Variants in MEGF11 observed in about 807,000 individuals in gnomAD.
MEGF11 encodes the protein multiple epidermal growth factor-like domains protein 11.
Under a neutral mutation model 146.6 loss-of-function variants are expected in MEGF11, and 126 were observed. The ratio of observed to expected loss-of-function variants is 0.86; its 90% CI spans 0.74 to 1.00. The LOEUF is 1.00. Among genes scored for constraint, MEGF11 ranks in the 50% least tolerant of loss-of-function variants. The pLI is 0.00. For missense variants in MEGF11, 1,509 were observed against 1,521.2 expected (o/e 0.99, Z 0.13); for synonymous variants, 532 against 583.4 (o/e 0.91, Z 1.27).
intron 1 of MEGF11, among the ~76,000 whole-genome samples, chr15:66,149,691 G>C (rs2089494609): frequency 6.6e-6 from 1 of 152,164 alleles, no homozygotes; most frequent in Non-Finnish European, 1.5e-5. Context: ...AAGGTTAATT[G>C]CAGGATTCAA....
chr15:65,998,924 T>C (rs2082278004), intron 5 of MEGF11, among the ~76,000 whole-genome samples: 1 of 152,224 alleles, frequency 6.6e-6, no homozygotes, highest in Admixed American at 6.5e-5. Flanking sequence ...TTTGGGACTT[T>C]GGAGGGAATC....
chr15:65,917,992 C>T lies in MEGF11; in HGVS notation c.2060G>A (p.Gly687Glu), dbSNP rs777981184. ...PIDGSCQCFPGWIGKDCSQAC... is the reference protein window; with the variant it reads ...PIDGSCQCFPEWIGKDCSQAC... ...CTGTGAGCAGTCCTTGCCAATCCAT[C>T]CAGGAAAGCACTGGCAGGAGCCATC... Residue 687 changes from glycine to glutamate, a missense_variant, in exon 16 of 26, where the codon GGA becomes GAA. Physicochemically the swap from Gly to Glu is moderately conservative, Grantham distance 98 (BLOSUM62 -2). Transcript: ENST00000395614. The T allele has an allele frequency of 6.2e-7, 1 of 1,614,052 alleles. No homozygotes were observed. The highest frequency in any genetic ancestry group is 8.5e-7 in the Non-Finnish European group (1 of 1,179,900).
intron 1 of MEGF11, among the ~76,000 whole-genome samples, chr15:66,228,428 A>G (rs1567291638): frequency 6.6e-6 from 1 of 152,050 alleles, no homozygotes; most frequent in Non-Finnish European, 1.5e-5. Flanking sequence ...CAGGCTATGG[A>G]GCCCCAGAGA....
intron 8 of MEGF11, among the ~76,000 whole-genome samples, 166 bp downstream of exon 8, chr15:65,970,387 G>C (rs2081262820): frequency 6.6e-6 from 1 of 152,230 alleles, no homozygotes; most frequent in Non-Finnish European, 1.5e-5. Context: ...CAGGCCGAGG[G>C]TGAGGAGGGA....
chr15:66,183,637 C>T (rs912333896), intron 1 of MEGF11, among the ~76,000 whole-genome samples: 13 of 152,054 alleles, frequency 8.5e-5, no homozygotes, highest in African/African-American at 2.7e-4. Flanking sequence ...GTAACTGACT[C>T]AACTCCCTCC....
At chr15:66,035,049 A>G (rs577585779) in intron 5 of MEGF11, among the ~76,000 whole-genome samples, 3 of 152,174 alleles carry the variant, frequency 2.0e-5, no homozygotes, top group Non-Finnish European at 4.4e-5. Flanking sequence ...GAGCTAAAAA[A>G]AAATCCTTTT....
chr15:65,985,195 G>T lies in MEGF11; in HGVS notation c.395-2707C>A, dbSNP rs544111706. ...TTTTCTTATTTTCCCATTTGACGGA[G>T]AATACACGGTCAGAGAAGTTAAGTG... On this transcript the variant is annotated intron_variant, in intron 5 of 25. Coordinates refer to ENST00000395614, the MANE Select transcript of MEGF11 (RefSeq NM_001385028.1). 1.2e-4 allele frequency among the ~76,000 whole-genome samples: 18 copies of T among 152,308 alleles called. No individual in the cohort carries two copies. The East Asian group carries it at 3.5e-3, about 29-fold the overall frequency.
At position 65,945,492 on chromosome 15, in the gene MEGF11, T is replaced by G. The variant is rs776479170; in HGVS notation, c.1287+12055A>C. The stretch of plus-strand genomic sequence containing the variant: ...GAGGGCCTGAGGAGGGGCTCAGCCC[T>G]GGGCTGGGGAGTGCTGAGATGCCCC... On this transcript the variant is annotated intron_variant, in intron 10 of 25. Coordinates refer to ENST00000395614, the MANE Select transcript of MEGF11 (RefSeq NM_001385028.1). 1.9e-4 allele frequency among the ~76,000 whole-genome samples: 29 copies of G among 152,068 alleles called. 1 individual carries two copies. Among genetic ancestry groups the G allele is most frequent in the Admixed American group, 1.3e-3 (20 of 15,280 alleles).
intron 5 of MEGF11, among the ~76,000 whole-genome samples, chr15:65,985,104 G>A (rs1314754484): frequency 1.3e-5 from 2 of 152,144 alleles, no homozygotes; most frequent in African/African-American, 4.8e-5. Context: ...TGTGTGCCAG[G>A]CACCATCCTA....
At chr15:65,918,968 C>T (rs2079088693) in intron 15 of MEGF11, among the ~76,000 whole-genome samples, 1 of 152,184 alleles carries the variant, frequency 6.6e-6, no homozygotes, top group Non-Finnish European at 1.5e-5. Flanking sequence ...GTGGATTCCC[C>T]ATCGCCACAA....
intron 5 of MEGF11, among the ~76,000 whole-genome samples, chr15:66,002,028 G>A (rs995858737): frequency 3.3e-5 from 5 of 152,066 alleles, no homozygotes; most frequent in African/African-American, 4.8e-5. Flanking sequence ...GGTGGGAAAT[G>A]GAATCCCCTC....
chr15:66,090,833 T>C (rs1380480815), intron 5 of MEGF11, among the ~76,000 whole-genome samples: 1 of 152,180 alleles, frequency 6.6e-6, no homozygotes, highest in Non-Finnish European at 1.5e-5. Context: ...TAAAGTTAAA[T>C]TTAAACAGCA....
chr15:66,112,043 G>C (rs2087448459), intron 4 of MEGF11, among the ~76,000 whole-genome samples: 1 of 151,228 alleles, frequency 6.6e-6, no homozygotes, highest in Non-Finnish European at 1.5e-5. Context: ...GAACAATTTG[G>C]GGCATAAGGG....
chr15:65,945,115 C>T (rs1448829171), intron 10 of MEGF11, among the ~76,000 whole-genome samples: 1 of 152,184 alleles, frequency 6.6e-6, no homozygotes, highest in Non-Finnish European at 1.5e-5. Context: ...AGGCTGGTCT[C>T]GAACTTGTGA....
Position 66,047,841 on chromosome 15 carries a change from A to G in MEGF11, c.394+46561T>C, listed in dbSNP as rs150323393. Among the ~76,000 whole-genome samples, 959 of 152,190 alleles carry G rather than the reference A, an allele frequency of 6.3e-3. 4 individuals are homozygous for G. The highest frequency in any genetic ancestry group is 9.6e-3 in the Non-Finnish European group (655 of 68,002). ...GCTGAGAGATGGCTTCTTGGCCTAC[A>G]TGCCCTCCCGTGGGGCAGAAGCGTG... On this transcript the variant is annotated intron_variant, in intron 5 of 25. Transcript: ENST00000395614.
intron 9 of MEGF11, among the ~76,000 whole-genome samples, chr15:65,958,836 A>G (rs2141504350): frequency 6.6e-6 from 1 of 152,292 alleles, no homozygotes; most frequent in Non-Finnish European, 1.5e-5. Flanking sequence ...AGCTCAAACT[A>G]ACACACCAAA....
chr15:66,156,389 T>G (rs920740306), intron 1 of MEGF11, among the ~76,000 whole-genome samples: 1 of 151,786 alleles, frequency 6.6e-6, no homozygotes, highest in African/African-American at 2.4e-5. Context: ...GGTCCAAATT[T>G]CAAAATTCAA....
chr15:66,210,757 G>A (rs567095710), intron 1 of MEGF11, among the ~76,000 whole-genome samples: 2 of 152,302 alleles, frequency 1.3e-5, no homozygotes, highest in South Asian at 2.1e-4. Flanking sequence ...AATTCTTACC[G>A]CAGTATGTCC....
At chr15:66,136,711 G>T (rs1011042794) in intron 1 of MEGF11, among the ~76,000 whole-genome samples, 18 of 152,208 alleles carry the variant, frequency 1.2e-4, no homozygotes, top group African/African-American at 4.1e-4. Context: ...GTTCAAGAAC[G>T]TTTGTTGCAT....
Sources: allele counts gnomAD v4.1 joint callset (sites outside exome capture counted in the v4.1 genomes callset), GRCh38; gene constraint gnomAD v4.1.1; transcripts MANE v1.5; gene names NCBI Gene and HGNC (gene_info 2026-07-23, HGNC 2026-07-21).